HTR7: variants seen among roughly 807,000 people sequenced by gnomAD.
HTR7 encodes the protein 5-HT-7.
In HTR7, 16 loss-of-function variants were observed where a neutral mutation model predicts 34.0. That is an observed-to-expected ratio of 0.47 (90% CI 0.32 to 0.71). The LOEUF is 0.71. Among genes scored for constraint, HTR7 ranks in the 30% least tolerant of loss-of-function variants. The probability of loss-of-function intolerance (pLI) is 0.04; values close to 1 mark genes in which losing one functional copy is unlikely to be tolerated. For synonymous variants in HTR7, 265 were observed against 260.2 expected (o/e 1.02, Z -0.18); for missense variants, 504 against 625.5 (o/e 0.81, Z 2.07).
intron 1 of HTR7, among the ~76,000 whole-genome samples, chr10:90,784,814 A>G (rs1166556933): frequency 1.3e-5 from 2 of 152,206 alleles, no homozygotes; most frequent in Non-Finnish European, 2.9e-5. Context: ...AGCTGACCAC[A>G]TGACTTGGCA....
intron 1 of HTR7, among the ~76,000 whole-genome samples, chr10:90,822,754 T>G (rs994631793): frequency 5.9e-5 from 9 of 151,984 alleles, no homozygotes; most frequent in African/African-American, 2.2e-4. Context: ...GGAAGAATGG[T>G]TTCATGGGCC....
At chr10:90,833,234 G>A (rs1284391326) in intron 1 of HTR7, among the ~76,000 whole-genome samples, 1 of 152,222 alleles carries the variant, frequency 6.6e-6, no homozygotes, top group African/African-American at 2.4e-5. Context: ...ATTCCAGAGT[G>A]TCGAGATCAT....
At chr10:90,849,846 C>T (rs775781704) in intron 1 of HTR7, among the ~76,000 whole-genome samples, 44 of 152,284 alleles carry the variant, frequency 2.9e-4, no homozygotes, top group African/African-American at 5.5e-4. Context: ...CACGCATGCA[C>T]GCTATGATGC....
intron 1 of HTR7, among the ~76,000 whole-genome samples, chr10:90,752,417 T>C (rs1281711013): frequency 6.6e-6 from 1 of 152,048 alleles, no homozygotes; most frequent in Admixed American, 6.5e-5. Context: ...CTTAAATCCA[T>C]GGGGGAAAAA....
At chr10:90,809,840 T>C (rs1205545394) in intron 1 of HTR7, among the ~76,000 whole-genome samples, 1 of 152,246 alleles carries the variant, frequency 6.6e-6, no homozygotes, top group Non-Finnish European at 1.5e-5. Context: ...CCCCTGGAAC[T>C]CTGGCCCAAG....
In HTR7 at chr10:90,749,337, G is replaced by A. The variant is rs1844696024; in HGVS notation, c.797C>T (p.Ala266Val). 1.9e-6 allele frequency: 3 copies of A among 1,614,030 alleles called. No individual in the cohort carries two copies. Among genetic ancestry groups the A allele is most frequent in the African/African-American group, 1.3e-5 (1 of 74,916 alleles). The change falls in exon 2 of 4, where the codon GCC becomes GTC. Residue 266 changes from alanine (A) to valine (V), a missense_variant. Around this residue, in one of 4 missense-constraint regions of HTR7, gnomAD observed 154 missense variants for 248.8 expected, o/e 0.62. Transcript: ENST00000336152. The surrounding 1 kb of genome is among the most constrained non-coding windows in gnomAD (Gnocchi z 4.2). ...LFMYYQIYKA[A>V]RKSAAKHKFP... ...CTTGTGTTTGGCAGCACTCTTCCTG[G>A]CAGCCTTGTAAATCTGGTAGTACAT...
intron 1 of HTR7, among the ~76,000 whole-genome samples, chr10:90,764,047 A>G (rs1844979933): frequency 6.6e-6 from 1 of 152,180 alleles, no homozygotes; most frequent in Non-Finnish European, 1.5e-5. Context: ...GTCTTCCACA[A>G]TGGTTGAACT....
intron 1 of HTR7, among the ~76,000 whole-genome samples, chr10:90,758,206 G>A (rs1176112120): frequency 5.3e-5 from 8 of 151,998 alleles, no homozygotes; most frequent in South Asian, 2.1e-4. Context: ...TTAGCTGGGC[G>A]TGGTGGCGCT....
At chr10:90,845,977 A>G (rs867258339) in intron 1 of HTR7, among the ~76,000 whole-genome samples, 1 of 152,246 alleles carries the variant, frequency 6.6e-6, no homozygotes, top group Non-Finnish European at 1.5e-5. Context: ...CTGTTCTCAA[A>G]ATAGAATCAT....
intron 1 of HTR7, among the ~76,000 whole-genome samples, chr10:90,784,145 C>A (rs1294881314): frequency 6.6e-6 from 1 of 152,176 alleles, no homozygotes; most frequent in Non-Finnish European, 1.5e-5. Context: ...ATGATGCCAG[C>A]CAGCTGCCAG....
At chr10:90,795,232 T>A (rs183982714) in intron 1 of HTR7, among the ~76,000 whole-genome samples, 21 of 152,344 alleles carry the variant, frequency 1.4e-4, no homozygotes, top group African/African-American at 4.8e-4. Context: ...GAAACCCCCA[T>A]ACTTTTTTCC....
chr10:90,814,368 T>C (rs1845865735), intron 1 of HTR7, among the ~76,000 whole-genome samples: 1 of 152,224 alleles, frequency 6.6e-6, no homozygotes, highest in African/African-American at 2.4e-5. Context: ...AAGGGGCTCC[T>C]TCCAAATGGG....
intron 1 of HTR7, among the ~76,000 whole-genome samples, chr10:90,792,130 C>T (rs1215787039): frequency 6.6e-6 from 1 of 152,120 alleles, no homozygotes; most frequent in Non-Finnish European, 1.5e-5. Flanking sequence ...GTTCATTATA[C>T]AATCTCTGAA....
chr10:90,799,445 T>C (rs780603588), intron 1 of HTR7, among the ~76,000 whole-genome samples: 7 of 152,140 alleles, frequency 4.6e-5, no homozygotes, highest in African/African-American at 9.7e-5. Flanking sequence ...GAGAAATACA[T>C]TGAGCCTGCT....
intron 1 of HTR7, among the ~76,000 whole-genome samples, chr10:90,815,897 T>A (rs139736107): frequency 4.9e-4 from 75 of 152,324 alleles, no homozygotes; most frequent in African/African-American, 1.7e-3. Context: ...CACTTCCCAA[T>A]GATGATTACT....
At position 90,741,626 on chromosome 10, in the gene HTR7, GTTA is replaced by G. The variant is rs1472857690; in HGVS notation, c.*853_*855del. 1 of 152,474 alleles carries G rather than the reference GTTA, an allele frequency of 6.6e-6. No homozygotes were observed. The highest frequency in any genetic ancestry group is 1.5e-5 in the Non-Finnish European group (1 of 68,046). The allele number at this position is 152,474 out of a possible 1,614,324, so 9.4% of individuals were successfully genotyped here. A position where few individuals can be genotyped will look rare whatever the true frequency, so the allele number is the denominator to read the frequency against. On this transcript the variant is annotated 3_prime_UTR_variant, in exon 4 of 4. Coordinates refer to ENST00000336152, the MANE Select transcript of HTR7 (RefSeq NM_019859.4). ...CCACACTTCTTCCACATAACATACA[GTTA>G]TGGGCCAGCCCATGGGTGGGCCCAC...
intron 1 of HTR7, among the ~76,000 whole-genome samples, chr10:90,819,500 T>C (rs914309032): frequency 4.6e-5 from 7 of 152,142 alleles, no homozygotes; most frequent in African/African-American, 1.4e-4. Flanking sequence ...ACAGAGTACA[T>C]CATCCCTTTT....
chr10:90,745,079 A>G (rs148676068), intron 2 of HTR7, among the ~76,000 whole-genome samples: 1 of 152,284 alleles, frequency 6.6e-6, no homozygotes, highest in Admixed American at 6.5e-5. Context: ...TTTCCTTTGA[A>G]TCCCATAGTT....
rs571051943 is a variant in HTR7, at chr10:90,781,480, C to T, written c.540-31886G>A. Among the ~76,000 whole-genome samples, 184 of 152,240 alleles carry T rather than the reference C, an allele frequency of 1.2e-3. 1 individual carries two copies. The highest frequency in any genetic ancestry group is 4.3e-3 in the African/African-American group (177 of 41,540). On this transcript the variant is annotated intron_variant, in intron 1 of 3. Transcript: ENST00000336152. ...ACTAGAAAACTAACTTCATATTCCC[C>T]ACAAGATCCAGAAGACATCAGAAGG...
Sources: allele counts gnomAD v4.1 joint callset (sites outside exome capture counted in the v4.1 genomes callset), GRCh38; gene constraint gnomAD v4.1.1; regional missense constraint gnomAD v4.1.1; non-coding constraint Gnocchi (gnomAD v3.1); transcripts MANE v1.5; gene names NCBI Gene and HGNC (gene_info 2026-07-23, HGNC 2026-07-21).